Variants in BIVM observed in about 807,000 individuals in gnomAD.
BIVM encodes the protein basic immunoglobulin-like variable motif-containing protein.
Under a neutral mutation model 61.4 loss-of-function variants are expected in BIVM, and 31 were observed. The observed-to-expected ratio is 0.51, with a 90% confidence interval of 0.38 to 0.68. BIVM has a LOEUF of 0.68. Ranked by LOEUF, BIVM falls within the 30% of genes least tolerant of loss-of-function variation. BIVM has a pLI of 0.00. For synonymous variants in BIVM, 189 were observed against 210.7 expected (o/e 0.90, Z 0.89); for missense variants, 526 against 596.0 (o/e 0.88, Z 1.22).
chr13:102,822,948 C>T (rs181103747), intron 7 of BIVM, among the ~76,000 whole-genome samples: 3 of 152,130 alleles, frequency 2.0e-5, no homozygotes, highest in East Asian at 3.9e-4. Context: ...AGGGACACAG[C>T]GAGGGGTTTG....
At chr13:102,820,782 T>A (rs1339087986) in intron 4 of BIVM, 5 of 388,166 alleles carry the variant, frequency 1.3e-5, no homozygotes, top group Non-Finnish European at 2.3e-5. Context: ...TATCATTATT[T>A]TTTTTCCCAT....
chr13:102,835,398 C>A (rs918173674), intron 9 of BIVM, among the ~76,000 whole-genome samples: 3 of 152,128 alleles, frequency 2.0e-5, no homozygotes, highest in Non-Finnish European at 4.4e-5. Flanking sequence ...CACCAATCAC[C>A]ACTATATAAT....
intron 9 of BIVM, 112 bp downstream of exon 9, chr13:102,834,664 C>T (rs1881340328): frequency 1.0e-6 from 1 of 974,386 alleles, no homozygotes; most frequent in Admixed American, 3.6e-5. Context: ...CCTGTATAAT[C>T]ACCACCCAAA....
intron 7 of BIVM, among the ~76,000 whole-genome samples, chr13:102,823,282 G>T (rs1880424100): frequency 6.6e-6 from 1 of 152,148 alleles, no homozygotes; most frequent in African/African-American, 2.4e-5. Flanking sequence ...TATTTCTGTT[G>T]ACCTATATTG....
At chr13:102,803,257 C>T (rs183261039) in intron 1 of BIVM, among the ~76,000 whole-genome samples, 1 of 152,034 alleles carries the variant, frequency 6.6e-6, no homozygotes, top group East Asian at 1.9e-4. Context: ...AATCCCAGCA[C>T]TTTGGGGGGC....
At chr13:102,805,104 C>T (rs958652680) in intron 1 of BIVM, among the ~76,000 whole-genome samples, 3 of 152,174 alleles carry the variant, frequency 2.0e-5, no homozygotes, top group African/African-American at 7.2e-5. Flanking sequence ...CAACTGATCA[C>T]CCAGGGTGGA....
intron 3 of BIVM, 59 bp from the exon 4 acceptor site, chr13:102,816,369 T>G: frequency 6.9e-7 from 1 of 1,442,982 alleles, no homozygotes. Flanking sequence ...AATTAATTTT[T>G]GTCATTTCAG....
At chr13:102,837,998 G>C (rs183257940) in intron 9 of BIVM, among the ~76,000 whole-genome samples, 2 of 151,994 alleles carry the variant, frequency 1.3e-5, no homozygotes, top group Non-Finnish European at 2.9e-5. Flanking sequence ...AATCACCACC[G>C]AAGAACTTAT....
At chr13:102,833,860 T>G (rs765044629) in intron 8 of BIVM, among the ~76,000 whole-genome samples, 3 of 152,240 alleles carry the variant, frequency 2.0e-5, no homozygotes, top group Admixed American at 2.0e-4. Flanking sequence ...GTATACTGTA[T>G]GTTTCTTTTA....
intron 10 of BIVM, among the ~76,000 whole-genome samples, chr13:102,839,291 G>T (rs112116481): frequency 0.017 from 2,663 of 152,272 alleles, 34 homozygotes; most frequent in East Asian, 0.058. Context: ...TGATCTTGGT[G>T]TTTGAATTAG....
rs7327584 is a variant in BIVM at position 102,826,434 on chromosome 13, C to A, written c.901+4275C>A. Among the ~76,000 whole-genome samples the A allele has an allele frequency of 1.6e-4, 25 of 152,088 alleles. No individual in the cohort carries two copies. The South Asian group carries it at 5.2e-3, about 32-fold the overall frequency. ...TTTTCAACTTTACATCTTAGCAGTG[C>A]CTTGAACATTGCCTTTTACATTATA... On this transcript the variant is annotated intron_variant, in intron 7 of 10. Transcript: ENST00000257336.
chr13:102,803,358 C>G (rs1878864927), intron 1 of BIVM, among the ~76,000 whole-genome samples: 1 of 151,952 alleles, frequency 6.6e-6, no homozygotes, highest in African/African-American at 2.4e-5. Flanking sequence ...CAAAAATTAG[C>G]CAGGCATGGT....
Position 102,807,161 on chromosome 13 carries a change from C to A in BIVM, c.-107C>A. ...TTCCTCTTAGGAGCTCATTTTGCAG[C>A]TCTCAAGCTTTTATAGCATGCTGTA... On this transcript the variant is annotated 5_prime_UTR_variant, in exon 3 of 11. Coordinates refer to ENST00000257336, the MANE Select transcript of BIVM (RefSeq NM_017693.4). The surrounding 1 kb of genome is among the most constrained non-coding windows in gnomAD (Gnocchi z 4.0). The A allele has an allele frequency of 8.2e-7, 1 of 1,216,252 alleles. No homozygotes were observed. Among genetic ancestry groups the A allele is most frequent in the Non-Finnish European group, 1.1e-6 (1 of 887,976 alleles). 75.3% of individuals were successfully genotyped at this position (1,216,252 alleles called of 1,614,324 possible).
chr13:102,809,972 G>A (rs974659939), intron 3 of BIVM, among the ~76,000 whole-genome samples: 3 of 151,716 alleles, frequency 2.0e-5, no homozygotes, highest in Non-Finnish European at 4.4e-5. Context: ...TTTTTAGTAG[G>A]GTCGGGGTTT....
At position 102,840,577 on chromosome 13, in the gene BIVM, G is replaced by C. The variant is rs1451045814; in HGVS notation, c.*712G>C. Reference sequence around the variant, plus strand: ...TGGGCACCTGTAGTCCTAGCTACTCGAGAGGCTGAGGCAGGAGAATGGCGT... The same window carrying C: ...TGGGCACCTGTAGTCCTAGCTACTCCAGAGGCTGAGGCAGGAGAATGGCGT... On this transcript the variant is annotated 3_prime_UTR_variant, in exon 11 of 11. Coordinates refer to ENST00000257336, the MANE Select transcript of BIVM (RefSeq NM_017693.4). 6.6e-6 allele frequency: 1 copy of C among 151,788 alleles called. No individual in the cohort carries two copies. Among genetic ancestry groups the C allele is most frequent in the East Asian group, 1.9e-4 (1 of 5,154 alleles). 9.4% of individuals were successfully genotyped at this position (151,788 alleles called of 1,614,324 possible).
chr13:102,823,522 T>C (rs1276793296), intron 7 of BIVM, among the ~76,000 whole-genome samples: 1 of 152,232 alleles, frequency 6.6e-6, no homozygotes, highest in African/African-American at 2.4e-5. Flanking sequence ...TTATTCCTAC[T>C]GACTAAATTC....
rs985196220 is a variant in BIVM at position 102,831,671 on chromosome 13, C to A, written c.1008C>A (p.Thr336=). 1.2e-6 allele frequency: 2 copies of A among 1,613,870 alleles called. No individual in the cohort carries two copies. The highest frequency in any genetic ancestry group is 2.7e-5 in the African/African-American group (2 of 74,840). Residue 336 remains threonine (T), a synonymous_variant, in exon 8 of 11, where the codon ACC becomes ACA. Transcript: ENST00000257336. ...TTTGTCCAATTGGCTTCGAAGCAAC[C>A]CCTGTTAAAGCTAATAAAGCATTCA... ...HYFCPIGFEA[T]PVKANKAFSR...
chr13:102,821,282 A>G, intron 5 of BIVM, 150 bp downstream of exon 5: 1 of 698,708 alleles, frequency 1.4e-6, no homozygotes, highest in South Asian at 2.1e-5. Flanking sequence ...TAAAATATAT[A>G]CATGTATTAT....
intron 6 of BIVM, 50 bp from the exon 7 acceptor site, chr13:102,822,015 A>G: frequency 1.2e-6 from 2 of 1,600,226 alleles, no homozygotes; most frequent in Non-Finnish European, 1.7e-6. Context: ...GAATAATGCC[A>G]TCTTTGTTGT....
Sources: gnomAD v4.1 joint callset for allele counts (sites outside exome capture counted in the v4.1 genomes callset) on GRCh38, gnomAD v4.1.1 for gene constraint, Gnocchi (gnomAD v3.1) non-coding constraint, MANE v1.5 for transcripts, NCBI Gene and HGNC (gene_info 2026-07-23, HGNC 2026-07-21) for gene names.